Variants in ZNF112 observed in about 807,000 individuals in gnomAD.
ZNF112 encodes zinc finger protein 112 (Y14).
A neutral mutation model predicts 77.7 loss-of-function variants in ZNF112; 37 were observed. The ratio of observed to expected loss-of-function variants is 0.48; its 90% CI spans 0.37 to 0.63. ZNF112 has a LOEUF of 0.63. Among genes scored for constraint, ZNF112 ranks in the 20% least tolerant of loss-of-function variants. The pLI is 0.00. For synonymous variants in ZNF112, 333 were observed against 363.6 expected (o/e 0.92, Z 0.96); for missense variants, 950 against 1,077.4 (o/e 0.88, Z 1.66).
rs527600971 is a variant in ZNF112 at position 44,345,862 on chromosome 19, G to C, written c.-3-5320C>G. ...CTGCACTCCTTTCTCTTTTCACTTA[G>C]AGCAGGGGTTGGAAAGCTTTCATAA... On this transcript the variant is annotated intron_variant, in intron 1 of 3. Coordinates refer to ENST00000354340, the MANE Select transcript of ZNF112 (RefSeq NM_013380.4). Among the ~76,000 whole-genome samples, 264 of 152,272 alleles carry C rather than the reference G, an allele frequency of 1.7e-3. 1 individual carries two copies. Among genetic ancestry groups the C allele is most frequent in the African/African-American group, 6.0e-3 (251 of 41,540 alleles).
upstream of ZNF112, among the ~76,000 whole-genome samples, chr19:44,357,732 A>C (rs542632160): frequency 6.6e-6 from 1 of 152,292 alleles, no homozygotes; most frequent in South Asian, 2.1e-4. Flanking sequence ...GGAAGGGATA[A>C]GTCTCTTGTA....
At position 44,328,757 on chromosome 19, in the gene ZNF112, C is replaced by T. The variant is rs774497486; in HGVS notation, c.1400G>A (p.Arg467His). 6.5e-5 allele frequency: 105 copies of T among 1,613,856 alleles called. No individual in the cohort carries two copies. Among genetic ancestry groups the T allele is most frequent in the Middle Eastern group, 1.6e-4 (1 of 6,082 alleles). The change falls in exon 4 of 4, where the codon CGC becomes CAC. Residue 467 changes from arginine to histidine, a missense_variant. Arg to His is a conservative substitution (Grantham distance 29, BLOSUM62 0). This residue lies in a region of ZNF112 where 560 missense variants were observed against 557.3 expected (regional missense o/e 1.00). Transcript: ENST00000354340. The part of the protein sequence containing the change: ...IVHTKEQPYK[R>H]YVCSNSFSHN... ...GCTGAAGCTGTTACTACACACATAG[C>T]GTTTATATGGTTGTTCCTTAGTGTG...
intron 3 of ZNF112, among the ~76,000 whole-genome samples, chr19:44,331,512 T>C (rs550148097): frequency 2.6e-5 from 4 of 152,234 alleles, no homozygotes; most frequent in Non-Finnish European, 4.4e-5. Context: ...ATTAATAACA[T>C]GCATTCTTCT....
chr19:44,336,625 G>T lies in ZNF112; in HGVS notation c.218C>A (p.Ser73Ter). Residue 73 changes from serine (S) to a stop codon, truncating the protein, a stop_gained and splice_region_variant, in exon 3 of 4, where the codon TCA becomes TAA. Transcript: ENST00000354340. LOFTEE classifies it high-confidence loss of function. Reference protein sequence around the residue: ...VETETPRDGCSGRKNQQKMES... With the variant: ...VETETPRDGC The stretch of plus-strand genomic sequence containing the variant: ...TGTTCCTGCAGCACAGTTCTCACCT[G>T]AACATCCATCTCTTGGGGTTTCTGT... 6.2e-7 allele frequency: 1 copy of T among 1,612,950 alleles called. No individual in the cohort carries two copies. Among genetic ancestry groups the T allele is most frequent in the South Asian group, 1.1e-5 (1 of 91,050 alleles).
intron 3 of ZNF112, among the ~76,000 whole-genome samples, chr19:44,336,225 C>G (rs757377829): frequency 1.3e-5 from 2 of 152,130 alleles, no homozygotes; most frequent in African/African-American, 2.4e-5. Context: ...CTAGAATACC[C>G]TTCAATTACA....
chr19:44,343,407 A>C (rs1163498896), intron 1 of ZNF112: 2 of 907,676 alleles, frequency 2.2e-6, no homozygotes, highest in African/African-American at 3.4e-5. Flanking sequence ...AGATGTGGCC[A>C]CACACCGGCG....
chr19:44,366,790 C>T (rs776559833), intron 1 of ZNF112, among the ~76,000 whole-genome samples: 5 of 151,350 alleles, frequency 3.3e-5, no homozygotes, highest in Admixed American at 6.6e-5. Flanking sequence ...TGGGGCTTCT[C>T]GGGAAATTAA....
intron 1 of ZNF112, among the ~76,000 whole-genome samples, chr19:44,363,409 T>C (rs533222307): frequency 6.6e-6 from 1 of 152,310 alleles, no homozygotes; most frequent in South Asian, 2.1e-4. Context: ...CATCAGAACA[T>C]TAACATTACC....
intron 1 of ZNF112, among the ~76,000 whole-genome samples, chr19:44,366,020 G>T (rs1970900748): frequency 6.6e-6 from 1 of 152,124 alleles, no homozygotes; most frequent in South Asian, 2.1e-4. Context: ...AGTCAGTTAT[G>T]TATACACTGT....
chr19:44,335,726 C>T (rs151184136), intron 3 of ZNF112, among the ~76,000 whole-genome samples: 3 of 152,220 alleles, frequency 2.0e-5, no homozygotes, highest in Non-Finnish European at 2.9e-5. Flanking sequence ...CTCCTACTCT[C>T]AAGGGTACCA....
chr19:44,334,446 A>G (rs547867382), intron 3 of ZNF112, among the ~76,000 whole-genome samples: 6 of 152,386 alleles, frequency 3.9e-5, no homozygotes, highest in Admixed American at 1.3e-4. Context: ...GAGAAATTCA[A>G]GGCTGCAGAA....
At chr19:44,366,470 C>T (rs60402615) in intron 1 of ZNF112, among the ~76,000 whole-genome samples, 13,566 of 152,014 alleles carry the variant, frequency 0.089, 702 homozygotes, top group Middle Eastern at 0.15. Flanking sequence ...AGAGATGACA[C>T]GGCAAGAAGA....
rs1970144402 is a variant in ZNF112, at chr19:44,327,434, C to A, written c.2723G>T (p.Ter908LeuextTer17). 1 of 1,585,058 alleles carries A rather than the reference C, an allele frequency of 6.3e-7. No individual in the cohort carries two copies. The highest frequency in any genetic ancestry group is 8.6e-7 in the Non-Finnish European group (1 of 1,165,668). Reference protein sequence around the residue: ...LHRNEDSVLF* With the variant: ...LHRNEDSVLFL ...AATTTCAGCTCCCATTTGAGGACTT[C>A]AAAACAAAACAGAATCTTCATTTCT... Residue 908 changes from the stop codon to leucine (L), a stop_lost, in exon 4 of 4, where the codon TGA becomes TTA. Transcript: ENST00000354340.
In ZNF112 at chr19:44,327,481, G is replaced by A. The variant is rs768298759; in HGVS notation, c.2676C>T (p.Tyr892=). 28 of 1,613,392 alleles carry A rather than the reference G, an allele frequency of 1.7e-5. No individual in the cohort carries two copies. Among genetic ancestry groups the A allele is most frequent in the Non-Finnish European group, 2.3e-5 (27 of 1,179,778 alleles). Residue 892 remains tyrosine, a synonymous_variant, in exon 4 of 4, where the codon TAC becomes TAT. Transcript: ENST00000354340. The part of the protein sequence containing the change: ...FYKSEDYGKD[Y]PSSENLHRNE... ...TTCTGTGTAGATTCTCTGATGAAGG[G>A]TAGTCCTTACCATAGTCTTCGCTTT...
In ZNF112 at chr19:44,364,715, G is replaced by A. The variant is rs181283882; in HGVS notation, c.17+2366C>T. On this transcript the variant is annotated intron_variant, in intron 1 of 4. Transcript: ENST00000588057. ...ATACAGTATAACAACTATTTACATG[G>A]CATTTTTATTGTATAGGGATGGAAA... Among the ~76,000 whole-genome samples, 47 of 152,202 alleles carry A rather than the reference G, an allele frequency of 3.1e-4. No individual in the cohort carries two copies. The East Asian group carries it at 5.8e-3, about 19-fold the overall frequency.
rs1056085367 is a variant in ZNF112, at chr19:44,336,484, T to A, written c.220+139A>T. On this transcript the variant is annotated intron_variant, in intron 3 of 3. Transcript: ENST00000354340. ...AGGGGACAGATACCTTAGGACCTAA[T>A]AGACCACTTTAAGTACTTTAAACTT... The A allele has an allele frequency of 4.8e-5, 32 of 665,826 alleles. No individual in the cohort carries two copies. The South Asian group carries it at 6.1e-4, about 13-fold the overall frequency. 41.2% of individuals were successfully genotyped at this position (665,826 alleles called of 1,614,324 possible).
At chr19:44,330,048 C>T in intron 3 of ZNF112, 112 bp from the exon 4 acceptor site, 1 of 756,054 alleles carries the variant, frequency 1.3e-6, no homozygotes, top group South Asian at 2.2e-5. Context: ...GAGGAAAATT[C>T]ATGCCACTAT....
intron 3 of ZNF112, among the ~76,000 whole-genome samples, chr19:44,334,896 G>A (rs1970338126): frequency 6.6e-6 from 1 of 152,256 alleles, no homozygotes; most frequent in African/African-American, 2.4e-5. Flanking sequence ...CTAGGTCAAT[G>A]GAGAAGGGAA....
rs2123130046 is a variant in ZNF112 at position 44,327,348 on chromosome 19, C to A, written c.*85G>T. 8.8e-7 allele frequency: 1 copy of A among 1,139,226 alleles called. No individual in the cohort carries two copies. The highest frequency in any genetic ancestry group is 1.2e-6 in the Non-Finnish European group (1 of 819,254). The allele number at this position is 1,139,226 out of a possible 1,614,324, so 70.6% of individuals were successfully genotyped here. A position where few individuals can be genotyped will look rare whatever the true frequency, so the allele number is the denominator to read the frequency against. ...CATTATGAATGTTGAAGTTGGGCAG[C>A]AACATTACATTTTAATTTTTAAAAA... On this transcript the variant is annotated 3_prime_UTR_variant, in exon 4 of 4. Coordinates refer to ENST00000354340, the MANE Select transcript of ZNF112 (RefSeq NM_013380.4).
Sources: gnomAD v4.1 joint callset for allele counts (sites outside exome capture counted in the v4.1 genomes callset) on GRCh38, gnomAD v4.1.1 for gene constraint, gnomAD v4.1.1 regional missense constraint, MANE v1.5 for transcripts, NCBI Gene and HGNC (gene_info 2026-07-23, HGNC 2026-07-21) for gene names.